Variants in LIG1 observed in about 807,000 individuals in gnomAD.
LIG1 encodes DNA ligase 1.
In LIG1, 70 loss-of-function variants were observed where a neutral mutation model predicts 115.7. The observed-to-expected ratio is 0.60, with a 90% CI of 0.50 to 0.74. The LOEUF is 0.74. Among genes scored for constraint, LIG1 ranks in the 30% least tolerant of loss-of-function variants. LIG1 has a pLI of 0.00. For missense variants in LIG1, 1,115 were observed against 1,225.6 expected, an observed-to-expected ratio of 0.91 and a Z score of 1.35; for synonymous variants, 487 against 495.3, an observed-to-expected ratio of 0.98 and a Z score of 0.22.
intron 26 of LIG1, among the ~76,000 whole-genome samples, chr19:48,117,080 T>G (rs1162859296): frequency 2.0e-5 from 3 of 151,814 alleles, no homozygotes; most frequent in Admixed American, 2.0e-4. Flanking sequence ...GTGATCTGCC[T>G]GCCTCGGCCT....
chr19:48,148,780 A>G (rs1017915491), intron 9 of LIG1, among the ~76,000 whole-genome samples: 1 of 152,222 alleles, frequency 6.6e-6, no homozygotes, highest in African/African-American at 2.4e-5. Context: ...CGTGGGAATC[A>G]GCCCAGACAT....
chr19:48,162,153 A>G (rs1041722639), intron 3 of LIG1, 109 bp downstream of exon 3: 10 of 1,046,640 alleles, frequency 9.6e-6, no homozygotes, highest in South Asian at 2.6e-5. Flanking sequence ...CCTGGCTGAA[A>G]AAGTTTTTTG....
chr19:48,122,659 C>T lies in LIG1; in HGVS notation c.2232+275G>A, dbSNP rs1010383605. Among the ~76,000 whole-genome samples, 12 of 152,206 alleles carry T rather than the reference C, an allele frequency of 7.9e-5. 1 individual carries two copies. The highest frequency in any genetic ancestry group is 1.5e-4 in the Non-Finnish European group (10 of 68,050). ...TCCTGCCCAAGAGCCTGGCCCGACA[C>T]GGGCGGCAGGCTCAGGAGAGAGACA... On this transcript the variant is annotated intron_variant, in intron 23 of 27. Coordinates refer to ENST00000263274, the MANE Select transcript of LIG1 (RefSeq NM_000234.3). This position sits in a 1 kb window ranked among gnomAD's most constrained non-coding sequence, Gnocchi z 4.3.
intron 24 of LIG1, among the ~76,000 whole-genome samples, chr19:48,119,878 A>C (rs982088286): frequency 2.0e-5 from 3 of 152,038 alleles, no homozygotes; most frequent in Non-Finnish European, 2.9e-5. Context: ...AGCTTCTTTC[A>C]CCTACCAAAA....
chr19:48,160,809 T>C (rs1439227792), intron 4 of LIG1, among the ~76,000 whole-genome samples: 8 of 151,994 alleles, frequency 5.3e-5, no homozygotes, highest in Non-Finnish European at 1.5e-5. Context: ...CACAGTTCAC[T>C]GCAGCCTTGA....
chr19:48,140,196 G>T, intron 11 of LIG1, 53 bp from the exon 12 acceptor site: 5 of 1,438,008 alleles, frequency 3.5e-6, no homozygotes, highest in East Asian at 2.3e-5. Context: ...TCAAAGTGTG[G>T]TGTCGGGGTG....
Position 48,153,971 on chromosome 19 carries a change from G to C in LIG1, c.371-4C>G, listed in dbSNP as rs1293668303. 6.2e-7 allele frequency: 1 copy of C among 1,613,230 alleles called. No homozygotes were observed. Among genetic ancestry groups the C allele is most frequent in the Non-Finnish European group, 8.5e-7 (1 of 1,179,472 alleles). On this transcript the variant is annotated splice_region_variant and splice_polypyrimidine_tract_variant and intron_variant, in intron 5 of 27. Coordinates refer to ENST00000263274, the MANE Select transcript of LIG1 (RefSeq NM_000234.3). ...CGTTTCGGGAGCTGCTTCCGAGCTGGGGAGGCAAAGGGCTTGGTGTATCTG... is the reference window on the plus strand; with the variant it reads ...CGTTTCGGGAGCTGCTTCCGAGCTGCGGAGGCAAAGGGCTTGGTGTATCTG...
chr19:48,133,723 G>A (rs2034192789), intron 17 of LIG1, among the ~76,000 whole-genome samples: 1 of 152,158 alleles, frequency 6.6e-6, no homozygotes, highest in South Asian at 2.1e-4. Flanking sequence ...AGCCTCCCGA[G>A]TAGCTGGGAT....
chr19:48,146,635 G>A (rs762839429), intron 9 of LIG1, among the ~76,000 whole-genome samples: 3 of 152,028 alleles, frequency 2.0e-5, no homozygotes, highest in African/African-American at 4.8e-5. Flanking sequence ...AGCTGAAATC[G>A]TGCCACTGCA....
chr19:48,168,709 TTAAA>T (rs1397552592), intron 1 of LIG1, among the ~76,000 whole-genome samples: 1 of 152,176 alleles, frequency 6.6e-6, no homozygotes, highest in African/African-American at 2.4e-5. Context: ...AGGGTTAAAA[TTAAA>T]TGAATGATGG....
intron 6 of LIG1, among the ~76,000 whole-genome samples, chr19:48,151,927 T>TTA (rs1341050133): frequency 6.6e-6 from 1 of 151,874 alleles, no homozygotes; most frequent in Non-Finnish European, 1.5e-5. Context: ...TGACAGCCTG[T>TTA]TATAGACAAA....
chr19:48,127,777 T>C, intron 20 of LIG1, 133 bp downstream of exon 20: 1 of 819,524 alleles, frequency 1.2e-6, no homozygotes. Flanking sequence ...GCAGCCATTC[T>C]GCAGAAGGCT....
At position 48,115,737 on chromosome 19, in the gene LIG1, G is replaced by T; in HGVS notation, c.2677-5C>A. The T allele has an allele frequency of 1.2e-6, 2 of 1,612,068 alleles. No homozygotes were observed. Among genetic ancestry groups the T allele is most frequent in the Non-Finnish European group, 1.7e-6 (2 of 1,178,166 alleles). ...CTTCCGGTACAAACAGGCCACCTGC[G>T]GAGAGAGGGTGGGACGGGGTGGTCA... On this transcript the variant is annotated splice_polypyrimidine_tract_variant and splice_region_variant and intron_variant, in intron 27 of 27. Transcript: ENST00000263274.
At position 48,151,357 on chromosome 19, in the gene LIG1, G is replaced by T; in HGVS notation, c.467-18C>A. The T allele has an allele frequency of 6.7e-7, 1 of 1,485,674 alleles. No individual in the cohort carries two copies. Among genetic ancestry groups the T allele is most frequent in the Non-Finnish European group, 9.4e-7 (1 of 1,062,928 alleles). The allele number at this position is 1,485,674 out of a possible 1,614,324, so 92.0% of individuals were successfully genotyped here. ...CTCCTCTTCTGACGATAGACAGAAC[G>T]GTCAGATGGCAAAAAAATCCCATTG... On this transcript the variant is annotated intron_variant, in intron 6 of 27. Transcript: ENST00000263274.
intron 3 of LIG1, among the ~76,000 whole-genome samples, chr19:48,161,938 A>G (rs2036204223): frequency 6.9e-6 from 1 of 145,792 alleles, no homozygotes; most frequent in East Asian, 2.0e-4. Context: ...ACTCCATTTC[A>G]AAAAAAAAAG....
chr19:48,125,437 G>A (rs1421527841), intron 21 of LIG1, among the ~76,000 whole-genome samples: 1 of 152,152 alleles, frequency 6.6e-6, no homozygotes, highest in East Asian at 1.9e-4. Context: ...GAGCATCAAA[G>A]GCATCTCTGC....
At chr19:48,128,172 C>T (rs1056738040) in intron 19 of LIG1, 152 bp from the exon 20 acceptor site, 2 of 699,974 alleles carry the variant, frequency 2.9e-6, no homozygotes, top group Non-Finnish European at 5.2e-6. Flanking sequence ...CTTTTATTCC[C>T]CACCAAGAGG....
rs377685276 is a variant in LIG1, at chr19:48,143,590, G to A, written c.867C>T (p.Tyr289=). ...TCTCAAACGTCCGGGCCACAGCCAG[G>A]TAAGGAACCCTAGGGAAGGAAAAGA... ...ACWKPGQKVP[Y]LAVARTFEKI... is the part of the protein sequence containing the mutation. Residue 289 remains tyrosine (Y), a synonymous_variant, in exon 11 of 28, where the codon TAC becomes TAT. Coordinates refer to ENST00000263274, the MANE Select transcript of LIG1 (RefSeq NM_000234.3). 7 of 1,610,810 alleles carry A rather than the reference G, an allele frequency of 4.3e-6. No individual in the cohort carries two copies. In the African/African-American group the frequency reaches 8.1e-5, roughly 19 times the overall value.
intron 6 of LIG1, among the ~76,000 whole-genome samples, 192 bp downstream of exon 6, chr19:48,153,679 CA>C (rs2035619882): frequency 2.1e-5 from 3 of 144,536 alleles, no homozygotes; most frequent in African/African-American, 7.9e-5. Context: ...CACACACACA[CA>C]CACACACACA....
Sources: gnomAD v4.1 joint callset for allele counts (sites outside exome capture counted in the v4.1 genomes callset) on GRCh38, gnomAD v4.1.1 for gene constraint, Gnocchi (gnomAD v3.1) non-coding constraint, MANE v1.5 for transcripts, NCBI Gene and HGNC (gene_info 2026-07-23, HGNC 2026-07-21) for gene names.